KCNG2: variants seen among roughly 807,000 people sequenced by gnomAD.
KCNG2 encodes voltage-gated potassium channel regulatory subunit KCNG2.
Under a neutral mutation model 12.3 loss-of-function variants are expected in KCNG2, and 7 were observed. That is an observed-to-expected ratio of 0.57 (90% CI 0.32 to 1.07). The LOEUF (loss-of-function observed/expected upper bound fraction) is 1.07. KCNG2 is among the 50% of genes least tolerant of loss of function. The pLI is 0.04. For missense variants in KCNG2, 703 were observed against 726.0 expected (o/e 0.97, Z 0.36); for synonymous variants, 414 against 351.4 (o/e 1.18, Z -1.99).
chr18:79,839,751 G>T (rs1252996777), intron 1 of KCNG2, among the ~76,000 whole-genome samples: 1 of 152,186 alleles, frequency 6.6e-6, no homozygotes, highest in Non-Finnish European at 1.5e-5. Flanking sequence ...TTAGCAAATA[G>T]AAATCAGCAA....
intron 1 of KCNG2, among the ~76,000 whole-genome samples, chr18:79,848,561 C>T (rs927614545): frequency 6.6e-6 from 1 of 152,202 alleles, no homozygotes; most frequent in African/African-American, 2.4e-5. Flanking sequence ...TAGCCACACG[C>T]GAAAAGACCC....
chr18:79,844,956 A>G (rs1172124825), intron 1 of KCNG2, among the ~76,000 whole-genome samples: 1 of 152,214 alleles, frequency 6.6e-6, no homozygotes, highest in Non-Finnish European at 1.5e-5. Context: ...CAGAGAGGAA[A>G]AGCAAACTGT....
intron 1 of KCNG2, among the ~76,000 whole-genome samples, chr18:79,818,645 C>A (rs1273233555): frequency 1.3e-5 from 2 of 152,222 alleles, no homozygotes; most frequent in East Asian, 3.8e-4. Flanking sequence ...GATGCGGAAA[C>A]TGCTCGTTCA....
chr18:79,863,151 G>C (rs1979284211), intron 2 of KCNG2, among the ~76,000 whole-genome samples: 1 of 152,246 alleles, frequency 6.6e-6, no homozygotes, highest in South Asian at 2.1e-4. Context: ...AGAATGCTGA[G>C]TAGGGCCAGG....
In KCNG2 at chr18:79,900,016, G is replaced by A. The variant is rs1440098929; in HGVS notation, c.*200G>A. ...CGTGGCAGCGCTGGGCAAAGTCACTGGCCTTTGTCCTCCTGCCCCACCCCT... is the reference window on the plus strand; with the variant it reads ...CGTGGCAGCGCTGGGCAAAGTCACTAGCCTTTGTCCTCCTGCCCCACCCCT... On this transcript the variant is annotated 3_prime_UTR_variant, in exon 4 of 4. Coordinates refer to ENST00000316249, the MANE Select transcript of KCNG2 (RefSeq NM_012283.2). The A allele has an allele frequency of 7.7e-6, 3 of 392,120 alleles. No individual in the cohort carries two copies. The highest frequency in any genetic ancestry group is 4.6e-5 in the Admixed American group (1 of 21,792). The allele number at this position is 392,120 out of a possible 1,614,324, so 24.3% of individuals were successfully genotyped here.
At chr18:79,813,119 G>T (rs2087504828) in intron 1 of KCNG2, among the ~76,000 whole-genome samples, 1 of 152,184 alleles carries the variant, frequency 6.6e-6, no homozygotes, top group Non-Finnish European at 1.5e-5. Flanking sequence ...CGCGCCATTG[G>T]AATCCAGCCT....
chr18:79,799,887 C>T (rs2087394058), intron 1 of KCNG2, among the ~76,000 whole-genome samples: 1 of 152,122 alleles, frequency 6.6e-6, no homozygotes, highest in African/African-American at 2.4e-5. Flanking sequence ...GTCACAGGTG[C>T]AGGTGCCTCC....
chr18:79,896,331 A>G (rs1436882630), intron 3 of KCNG2, among the ~76,000 whole-genome samples: 2 of 151,830 alleles, frequency 1.3e-5, no homozygotes, highest in Admixed American at 6.6e-5. Flanking sequence ...TCTGGAGTTT[A>G]CCACAAATAA....
At chr18:79,809,885 G>T (rs541372854) in intron 1 of KCNG2, among the ~76,000 whole-genome samples, 74 of 152,368 alleles carry the variant, frequency 4.9e-4, no homozygotes, top group Admixed American at 4.0e-3. Context: ...CGGTTTTAAA[G>T]CTTCTCCTCC....
rs185567907 is a variant in KCNG2 at position 79,878,809 on chromosome 18, C to T, written c.624+14518C>T. Among the ~76,000 whole-genome samples the T allele has an allele frequency of 8.4e-4, 128 of 152,356 alleles. 3 individuals carry two copies. The highest frequency in any genetic ancestry group is 7.0e-3 in the Admixed American group (107 of 15,298). ...AGGAATGGATACAGTGACCGATGGG[C>T]GCTTTCCGCACGAAGGAAGATGGTG... On this transcript the variant is annotated intron_variant, in intron 3 of 3. Transcript: ENST00000316249.
intron 1 of KCNG2, among the ~76,000 whole-genome samples, chr18:79,810,583 C>A (rs1176205911): frequency 6.6e-6 from 1 of 152,022 alleles, no homozygotes; most frequent in Non-Finnish European, 1.5e-5. Flanking sequence ...GCTTGGGGAA[C>A]ATAGCAAGAC....
chr18:79,824,095 C>T (rs1270123623), intron 1 of KCNG2, among the ~76,000 whole-genome samples: 1 of 152,230 alleles, frequency 6.6e-6, no homozygotes, highest in African/African-American at 2.4e-5. Flanking sequence ...CTCCGCCCCC[C>T]AGGCTCAGAT....
chr18:79,889,547 C>T (rs1463939413), intron 3 of KCNG2, among the ~76,000 whole-genome samples: 2 of 152,210 alleles, frequency 1.3e-5, no homozygotes, highest in Non-Finnish European at 2.9e-5. Context: ...ATTAATTGTT[C>T]ATTGCGAGTG....
intron 1 of KCNG2, among the ~76,000 whole-genome samples, chr18:79,801,350 G>A (rs948287367): frequency 6.6e-6 from 1 of 152,224 alleles, no homozygotes; most frequent in Non-Finnish European, 1.5e-5. Flanking sequence ...CCAGCTCTGC[G>A]TCCTCCTCCC....
In KCNG2 at chr18:79,884,230, T is replaced by A. The variant is rs986511881; in HGVS notation, c.625-14810T>A. ...TCCCCATGCCCCTCCCCATGCCCCA[T>A]GTCCCTGTTCTCAGCCCTCCTCCCG... On this transcript the variant is annotated intron_variant, in intron 3 of 3. Transcript: ENST00000316249. The surrounding 1 kb of genome is among the most constrained non-coding windows in gnomAD (Gnocchi z 5.5). Among the ~76,000 whole-genome samples, 2 of 144,862 alleles carry A rather than the reference T, an allele frequency of 1.4e-5. No individual in the cohort carries two copies. The highest frequency in any genetic ancestry group is 4.7e-4 in the South Asian group (2 of 4,254).
intron 3 of KCNG2, among the ~76,000 whole-genome samples, chr18:79,887,445 G>A (rs1980569268): frequency 6.6e-6 from 1 of 152,106 alleles, no homozygotes; most frequent in Non-Finnish European, 1.5e-5. Flanking sequence ...GGTGTTTCAA[G>A]GTTCACGGGT....
chr18:79,881,652 T>C (rs923279569), intron 3 of KCNG2, among the ~76,000 whole-genome samples: 11 of 152,320 alleles, frequency 7.2e-5, no homozygotes, highest in Middle Eastern at 3.4e-3. Flanking sequence ...CGCTGAAGAC[T>C]CGGTGTGACT....
In KCNG2 at chr18:79,822,227, C is replaced by A. The variant is rs562551857; in HGVS notation, c.-115+24213C>A. On this transcript the variant is annotated intron_variant, in intron 1 of 3. Transcript: ENST00000316249. This position sits in a 1 kb window ranked among gnomAD's most constrained non-coding sequence, Gnocchi z 4.4. ...CATAGAGGTTCCCATGTCTCCCACCCAGCTTCCTCCAGTGTTGGCAGAATG... is the reference window on the plus strand; with the variant it reads ...CATAGAGGTTCCCATGTCTCCCACCAAGCTTCCTCCAGTGTTGGCAGAATG... 1.3e-5 allele frequency among the ~76,000 whole-genome samples: 2 copies of A among 152,236 alleles called. No homozygotes were observed. Among genetic ancestry groups the A allele is most frequent in the Non-Finnish European group, 2.9e-5 (2 of 68,022 alleles).
At chr18:79,865,861 GGTCTGTGGGCTGAA>G (rs1979495321) in intron 3 of KCNG2, among the ~76,000 whole-genome samples, 1 of 68,212 alleles carries the variant, frequency 1.5e-5, no homozygotes. Flanking sequence ...TGTGCTGAGA[GGTCTGTGGGCTGAA>G]GTCTGGGTGC....
Sources: gnomAD v4.1 joint callset for allele counts (sites outside exome capture counted in the v4.1 genomes callset) on GRCh38, gnomAD v4.1.1 for gene constraint, Gnocchi (gnomAD v3.1) non-coding constraint, MANE v1.5 for transcripts, NCBI Gene and HGNC (gene_info 2026-07-23, HGNC 2026-07-21) for gene names.